USP36: variants seen among roughly 807,000 people sequenced by gnomAD.
USP36 encodes the protein ubiquitin carboxyl-terminal hydrolase 36.
A neutral mutation model predicts 111.5 loss-of-function variants in USP36; 59 were observed. That is an observed-to-expected ratio of 0.53 (90% confidence interval 0.43 to 0.66). The LOEUF is 0.66. Among genes scored for constraint, USP36 ranks in the 30% least tolerant of loss-of-function variants. The pLI, the probability that USP36 is intolerant of heterozygous loss-of-function variation, is 0.00. For synonymous variants in USP36, 628 were observed against 581.0 expected, an observed-to-expected ratio of 1.08 and a Z score of -1.16; for missense variants, 1,488 against 1,468.0, an observed-to-expected ratio of 1.01 and a Z score of -0.22.
intron 17 of USP36, among the ~76,000 whole-genome samples, chr17:78,801,147 T>C (rs2144967462): frequency 6.6e-6 from 1 of 152,080 alleles, no homozygotes; most frequent in South Asian, 2.1e-4. Flanking sequence ...TGGCTAACTT[T>C]TTGTATTTTT....
intron 13 of USP36, among the ~76,000 whole-genome samples, chr17:78,809,531 C>T (rs2093997517): frequency 6.6e-6 from 1 of 152,106 alleles, no homozygotes; most frequent in African/African-American, 2.4e-5. Flanking sequence ...CAGTGAAGCG[C>T]CCCTGCAGGT....
chr17:78,795,026 A>G (rs1384576706), downstream of USP36, among the ~76,000 whole-genome samples: 1 of 151,480 alleles, frequency 6.6e-6, no homozygotes, highest in Non-Finnish European at 1.5e-5. The surrounding 1 kb of genome is among the most constrained non-coding windows in gnomAD (Gnocchi z 4.5). Flanking sequence ...AAAAAAAAAA[A>G]AAAGTAAAAA....
chr17:78,806,036 C>T, intron 15 of USP36, 120 bp downstream of exon 15: 3 of 1,538,338 alleles, frequency 2.0e-6, no homozygotes, highest in Non-Finnish European at 2.6e-6. Context: ...TACCTCCTGG[C>T]TGCCCCAATG....
chr17:78,815,811 GTA>G (rs1599034068), intron 10 of USP36, among the ~76,000 whole-genome samples: 2 of 150,412 alleles, frequency 1.3e-5, no homozygotes, highest in Non-Finnish European at 2.9e-5. Context: ...TACATACATC[GTA>G]TACACACATG....
rs755805162 is a variant in USP36 at position 78,806,277 on chromosome 17, G to C, written c.2095C>G (p.Leu699Val). 3.3e-5 allele frequency: 54 copies of C among 1,613,942 alleles called. No homozygotes were observed. In the South Asian group the frequency reaches 4.1e-4, roughly 12 times the overall value. Residue 699 changes from leucine (L) to valine (V), a missense_variant, in exon 15 of 21, where the codon CTG becomes GTG. Around this residue, in one of 3 missense-constraint regions of USP36, gnomAD observed 1,073 missense variants for 994.1 expected, o/e 1.08. Transcript: ENST00000449938. Reference sequence around the variant, plus strand: ...AGGTCATTGCCGGTCGCCCTCCACAGGGTGCTGGCCTGCAGTTATCGACAT... The same window carrying C: ...AGGTCATTGCCGGTCGCCCTCCACACGGTGCTGGCCTGCAGTTATCGACAT... ...LALSAKKAST[L>V]WRATGNDLRP...
rs1025849109 is a variant in USP36 at position 78,814,325 on chromosome 17, G to GT, written c.1164+86dup. On this transcript the variant is annotated intron_variant, in intron 11 of 20. Transcript: ENST00000449938. ...CACAAAACATCACACTTTTCACAAA[G>GT]TAAGTGCTCTACAGAGGCCGCATCT... 138 of 1,531,732 alleles carry GT rather than the reference G, an allele frequency of 9.0e-5. No individual in the cohort carries two copies. The African/African-American group carries it at 1.7e-3, about 19-fold the overall frequency. 94.9% of individuals were successfully genotyped at this position (1,531,732 alleles called of 1,614,324 possible). A position where few individuals can be genotyped will look rare whatever the true frequency, so the allele number is the denominator to read the frequency against.
At position 78,834,997 on chromosome 17, in the gene USP36, G is replaced by GTGTATATATA. The variant is rs968867639; in HGVS notation, c.475+282_475+283insTATATATACA. 1.3e-4 allele frequency among the ~76,000 whole-genome samples: 19 copies of GTGTATATATA among 141,390 alleles called. 1 individual carries two copies. The highest frequency in any genetic ancestry group is 5.3e-4 in the African/African-American group (19 of 35,772). 92.8% of individuals were successfully genotyped at this position (141,390 alleles called of 152,430 possible). ...TACTGTCTCTAAAAAAATAATATTT[G>GTGTATATATA]TATATATATATATATATATATTTTG... On this transcript the variant is annotated intron_variant, in intron 4 of 20. Coordinates refer to ENST00000449938, the MANE Select transcript of USP36 (RefSeq NM_001385174.1).
At chr17:78,809,812 G>A (rs540847131) in intron 13 of USP36, among the ~76,000 whole-genome samples, 46 of 152,020 alleles carry the variant, frequency 3.0e-4, no homozygotes, top group South Asian at 4.2e-4. Flanking sequence ...TTTTGGAGAT[G>A]GGGTTTTGGA....
intron 12 of USP36, 91 bp downstream of exon 12, chr17:78,813,682 A>G: frequency 8.8e-7 from 1 of 1,132,538 alleles, no homozygotes. Flanking sequence ...ATTCCCAATT[A>G]CCTTCAAACA....
At chr17:78,831,655 G>A (rs949244895) in intron 4 of USP36, among the ~76,000 whole-genome samples, 1 of 151,808 alleles carries the variant, frequency 6.6e-6, no homozygotes, top group East Asian at 1.9e-4. Context: ...TATATAAAAC[G>A]CTGCTGGTTG....
At chr17:78,816,207 T>C (rs1380654434) in intron 10 of USP36, among the ~76,000 whole-genome samples, 1 of 151,834 alleles carries the variant, frequency 6.6e-6, no homozygotes, top group East Asian at 1.9e-4. Context: ...TCACCCAGGC[T>C]AGAGTGCAGT....
chr17:78,806,107 C>T (rs773770478), intron 15 of USP36, 49 bp downstream of exon 15: 4 of 1,610,774 alleles, frequency 2.5e-6, no homozygotes, highest in African/African-American at 2.7e-5. Context: ...GCACACGCAA[C>T]CACAGGGAGA....
chr17:78,818,228 A>G (rs746098543), intron 10 of USP36, among the ~76,000 whole-genome samples: 16 of 152,194 alleles, frequency 1.1e-4, no homozygotes, highest in Non-Finnish European at 1.9e-4. Flanking sequence ...CCCACCGCCC[A>G]GTGCTCATCA....
At chr17:78,835,115 C>CA (rs2068538757) in intron 4 of USP36, among the ~76,000 whole-genome samples, 165 bp downstream of exon 4, 1 of 152,030 alleles carries the variant, frequency 6.6e-6, no homozygotes, top group Non-Finnish European at 1.5e-5. Context: ...CTTCATGGCC[C>CA]ATTCTGCAGC....
chr17:78,790,887 A>G (rs1173511056), downstream of USP36, among the ~76,000 whole-genome samples: 2 of 152,138 alleles, frequency 1.3e-5, no homozygotes, highest in Non-Finnish European at 2.9e-5. Context: ...TTCTCACTCA[A>G]TGTCTAATGG....
chr17:78,827,014 C>G, intron 6 of USP36: 1 of 664,532 alleles, frequency 1.5e-6, no homozygotes, highest in Non-Finnish European at 2.7e-6. Context: ...TCCTACCAAG[C>G]CGCCCCGGAC....
In USP36 at chr17:78,807,158, G is replaced by C. The variant is rs186001931; in HGVS notation, c.1886C>G (p.Thr629Ser). The C allele has an allele frequency of 6.2e-7, 1 of 1,614,228 alleles. No homozygotes were observed. The highest frequency in any genetic ancestry group is 1.3e-5 in the African/African-American group (1 of 75,070). ...GAGATGGGCCGCTCCACTCCTGGGG[G>C]TCTGGGGGGCCTTGGTGGAGTCGCT... ...ASSDSTKAPQ[T>S]PRSGAAHLCD... Residue 629 changes from threonine to serine, a missense_variant, in exon 14 of 21, where the codon ACC becomes AGC. Physicochemically the swap from Thr to Ser is moderately conservative, Grantham distance 58 (BLOSUM62 1). This residue lies in a region of USP36 where 1,073 missense variants were observed against 994.1 expected (regional missense o/e 1.08). Coordinates refer to ENST00000449938, the MANE Select transcript of USP36 (RefSeq NM_001385174.1).
At chr17:78,789,770 A>C (rs2144823957) in intron 3 of USP36, among the ~76,000 whole-genome samples, 1 of 152,354 alleles carries the variant, frequency 6.6e-6, no homozygotes, top group South Asian at 2.1e-4. Context: ...TTCACTTCAA[A>C]TAGAGGAGCT....
chr17:78,791,938 C>T (rs530855724), downstream of USP36: 2 of 152,202 alleles, frequency 1.3e-5, no homozygotes, highest in African/African-American at 4.8e-5. Context: ...GAGATCCTGA[C>T]AGAGGGTGGA....
Sources: gnomAD v4.1 joint callset for allele counts (sites outside exome capture counted in the v4.1 genomes callset) on GRCh38, gnomAD v4.1.1 for gene constraint, gnomAD v4.1.1 regional missense constraint, Gnocchi (gnomAD v3.1) non-coding constraint, MANE v1.5 for transcripts, NCBI Gene and HGNC (gene_info 2026-07-23, HGNC 2026-07-21) for gene names.